SUMF1: variants seen among roughly 807,000 people sequenced by gnomAD.
SUMF1 encodes the protein sulfatase modifying factor 1, also known as formylglycine-generating enzyme.
In SUMF1, 48 loss-of-function variants were observed where a neutral mutation model predicts 47.6. The ratio of observed to expected loss-of-function variants is 1.01; its 90% CI spans 0.80 to 1.28. The LOEUF (loss-of-function observed/expected upper bound fraction) is 1.28, where lower values mean the gene tolerates loss of function less well. Ranked by LOEUF, SUMF1 falls within the 50% of genes most tolerant of loss-of-function variation. The pLI is 0.00. For synonymous variants in SUMF1, 230 were observed against 192.1 expected, an observed-to-expected ratio of 1.20 and a Z score of -1.63; for missense variants, 571 against 485.4, an observed-to-expected ratio of 1.18 and a Z score of -1.66.
At chr3:4,381,019 C>T (rs542844961) in intron 7 of SUMF1, among the ~76,000 whole-genome samples, 1 of 152,270 alleles carries the variant, frequency 6.6e-6, no homozygotes, top group Non-Finnish European at 1.5e-5. Flanking sequence ...AGCCAGCCTG[C>T]TCACGGCTAC....
intron 8 of SUMF1, among the ~76,000 whole-genome samples, chr3:4,197,240 G>A (rs1018956853): frequency 2.0e-5 from 3 of 151,756 alleles, no homozygotes; most frequent in Admixed American, 2.0e-4. Context: ...TCAGTCTCCC[G>A]AATATTGGGG....
chr3:4,375,969 A>T (rs1354168715), intron 8 of SUMF1, among the ~76,000 whole-genome samples: 1 of 152,172 alleles, frequency 6.6e-6, no homozygotes, highest in Non-Finnish European at 1.5e-5. Context: ...TCAACAGAAA[A>T]TCCAGAAATG....
At chr3:4,424,124 T>G (rs1202293802) in intron 3 of SUMF1, among the ~76,000 whole-genome samples, 2 of 152,202 alleles carry the variant, frequency 1.3e-5, no homozygotes, top group Non-Finnish European at 2.9e-5. Context: ...AATGTGCAAT[T>G]AGTCATCTCA....
At chr3:4,329,031 C>T (rs1398417316) in intron 8 of SUMF1, among the ~76,000 whole-genome samples, 4 of 152,216 alleles carry the variant, frequency 2.6e-5, no homozygotes, top group Admixed American at 2.6e-4. Flanking sequence ...GACTTCATGT[C>T]TCACATCCAG....
intron 7 of SUMF1, among the ~76,000 whole-genome samples, chr3:4,403,840 G>T (rs1303368101): frequency 6.6e-6 from 1 of 152,182 alleles, no homozygotes; most frequent in African/African-American, 2.4e-5. Context: ...GGAGAGGTTA[G>T]AGGAGGTTTC....
downstream of SUMF1, among the ~76,000 whole-genome samples, chr3:4,359,111 A>G (rs1699685405): frequency 6.6e-6 from 1 of 152,172 alleles, no homozygotes; most frequent in South Asian, 2.1e-4. Context: ...GACTACACCT[A>G]TGGCATTCAA....
intron 8 of SUMF1, among the ~76,000 whole-genome samples, chr3:4,260,290 CTAG>C (rs61449083): frequency 0.43 from 65,433 of 151,720 alleles, 14,459 homozygotes; most frequent in Non-Finnish European, 0.48. Context: ...CCAACAGGTA[CTAG>C]TAGTCAGTTC....
At chr3:4,049,196 T>C (rs1324241899) in intron 9 of SUMF1, among the ~76,000 whole-genome samples, 2 of 152,188 alleles carry the variant, frequency 1.3e-5, no homozygotes, top group Admixed American at 6.5e-5. Flanking sequence ...TTGTTCTACA[T>C]CATCCTAACT....
chr3:4,320,573 T>C (rs1209505062), intron 8 of SUMF1, among the ~76,000 whole-genome samples: 1 of 152,024 alleles, frequency 6.6e-6, no homozygotes, highest in Non-Finnish European at 1.5e-5. Flanking sequence ...GTGATGACAG[T>C]TATGAGAGGA....
Position 4,335,965 on chromosome 3 carries a change from A to AAAAC in SUMF1, c.1014+40364_1014+40365insGTTT, listed in dbSNP as rs1233134140. 6.3e-3 allele frequency among the ~76,000 whole-genome samples: 922 copies of AAAAC among 146,860 alleles called. 28 individuals are homozygous for AAAAC. Among genetic ancestry groups the AAAAC allele is most frequent in the African/African-American group, 0.021 (837 of 39,344 alleles). ...AACTGAGTGAGATTCCAACTCAAAAAAAAAAAAAAAAAAAACAGAAAAAAC... is the reference window on the plus strand; with the variant it reads ...AACTGAGTGAGATTCCAACTCAAAAAAAACAAAAAAAAAAAAAAACAGAAAAAAC... On this transcript the variant is annotated intron_variant and NMD_transcript_variant, in intron 8 of 12. Coordinates refer to the SUMF1 transcript ENST00000448413.
chr3:4,449,429 T>A, intron 2 of SUMF1, 89 bp from the exon 3 acceptor site: 2 of 1,296,496 alleles, frequency 1.5e-6, no homozygotes, highest in Non-Finnish European at 2.2e-6. Flanking sequence ...ATTAAAGTGA[T>A]TCCTCTTGTC....
At chr3:4,168,103 T>G (rs1694752845) in intron 8 of SUMF1, among the ~76,000 whole-genome samples, 1 of 152,096 alleles carries the variant, frequency 6.6e-6, no homozygotes, top group Non-Finnish European at 1.5e-5. Context: ...TTTCAGGGAG[T>G]TTACAGTGTG....
intron 8 of SUMF1, among the ~76,000 whole-genome samples, chr3:4,223,918 C>T (rs1466309506): frequency 1.3e-5 from 2 of 152,154 alleles, no homozygotes; most frequent in African/African-American, 4.8e-5. Flanking sequence ...TTCATTTCTT[C>T]ATCTGTTAAA....
downstream of SUMF1, among the ~76,000 whole-genome samples, chr3:4,357,235 C>G (rs1158107528): frequency 6.6e-6 from 1 of 150,536 alleles, no homozygotes; most frequent in African/African-American, 2.4e-5. Flanking sequence ...CACACTAATC[C>G]CTTGCATAAA....
At chr3:4,175,720 T>A (rs1332147900) in intron 8 of SUMF1, among the ~76,000 whole-genome samples, 2 of 152,006 alleles carry the variant, frequency 1.3e-5, no homozygotes, top group East Asian at 3.9e-4. Context: ...CTTCAGAAGG[T>A]CAGTAATAAC....
At chr3:4,364,031 C>G (rs141915642) in intron 8 of SUMF1, among the ~76,000 whole-genome samples, 52,589 of 100,852 alleles carry the variant, frequency 0.52, 15,457 homozygotes, top group East Asian at 0.67. Context: ...TACATTTATT[C>G]ATTTGCGTAT....
At chr3:4,090,617 T>C (rs1692764691) in intron 8 of SUMF1, among the ~76,000 whole-genome samples, 1 of 152,140 alleles carries the variant, frequency 6.6e-6, no homozygotes. Flanking sequence ...AACTGTGCAG[T>C]ATAAAAGCAT....
intron 8 of SUMF1, among the ~76,000 whole-genome samples, chr3:4,206,847 A>T (rs1277364200): frequency 6.6e-6 from 1 of 151,812 alleles, no homozygotes; most frequent in Non-Finnish European, 1.5e-5. Context: ...GGTACTCTGC[A>T]TTTCCACTTA....
At chr3:4,208,956 T>C (rs929905120) in intron 8 of SUMF1, among the ~76,000 whole-genome samples, 26 of 152,170 alleles carry the variant, frequency 1.7e-4, no homozygotes, top group African/African-American at 5.8e-4. Flanking sequence ...TATTGGTCTA[T>C]AGTTTTCTTG....
Sources: gnomAD v4.1 joint callset for allele counts (sites outside exome capture counted in the v4.1 genomes callset) on GRCh38, gnomAD v4.1.1 for gene constraint, MANE v1.5 for transcripts, NCBI Gene and HGNC (gene_info 2026-07-23, HGNC 2026-07-21) for gene names.